BUB1B: variants seen among roughly 807,000 people sequenced by gnomAD.
BUB1B encodes mitotic checkpoint serine/threonine-protein kinase BUB1 beta.
Under a neutral mutation model 137.7 loss-of-function variants are expected in BUB1B, and 86 were observed. The ratio of observed to expected loss-of-function variants is 0.62; its 90% CI spans 0.52 to 0.75. The LOEUF (loss-of-function observed/expected upper bound fraction) is 0.75, where lower values mean the gene tolerates loss of function less well. BUB1B is among the 30% of genes least tolerant of loss of function. The probability of loss-of-function intolerance (pLI) is 0.00; values close to 1 mark genes in which losing one functional copy is unlikely to be tolerated. For missense variants in BUB1B, 1,130 were observed against 1,236.9 expected (o/e 0.91, Z 1.30); for synonymous variants, 420 against 417.9 (o/e 1.00, Z -0.06).
At chr15:40,203,921 A>G (rs7495483) in intron 14 of BUB1B, among the ~76,000 whole-genome samples, 1 of 152,072 alleles carries the variant, frequency 6.6e-6, no homozygotes, top group African/African-American at 2.4e-5. Flanking sequence ...GGGTGATGTG[A>G]GCAGTAGCTT....
At chr15:40,208,454 C>G (rs1236097017) in intron 15 of BUB1B, among the ~76,000 whole-genome samples, 183 bp from the exon 16 acceptor site, 1 of 152,114 alleles carries the variant, frequency 6.6e-6, no homozygotes, top group East Asian at 1.9e-4. Flanking sequence ...AGGAGAATCA[C>G]TTGAACCCGG....
chr15:40,203,637 C>G (rs1305255246), intron 14 of BUB1B, among the ~76,000 whole-genome samples: 1 of 152,056 alleles, frequency 6.6e-6, no homozygotes, highest in Non-Finnish European at 1.5e-5. Flanking sequence ...GACATTTGTT[C>G]TTTTTTATAT....
chr15:40,200,219 G>T, intron 10 of BUB1B, 25 bp from the exon 11 acceptor site: 1 of 1,530,360 alleles, frequency 6.5e-7, no homozygotes, highest in South Asian at 1.1e-5. Context: ...GAGGGACATT[G>T]ATTTTGTTTA....
rs1566816096 is a variant in BUB1B, at chr15:40,170,620, C to T, written c.323C>T (p.Ala108Val). 1.2e-6 allele frequency: 2 copies of T among 1,613,068 alleles called. No homozygotes were observed. Among genetic ancestry groups the T allele is most frequent in the Non-Finnish European group, 1.7e-6 (2 of 1,179,162 alleles). Residue 108 changes from alanine (A) to valine (V), a missense_variant, in exon 4 of 23, where the codon GCA becomes GTA. Transcript: ENST00000287598. Reference sequence around the variant, plus strand: ...ACGTTATTAGAAAGAGCTGTAGAAGCACTACAAGGAGAAAAACGATATTAT... The same window carrying T: ...ACGTTATTAGAAAGAGCTGTAGAAGTACTACAAGGAGAAAAACGATATTAT... ...MSTLLERAVE[A>V]LQGEKRYYSD...
At chr15:40,213,965 T>A (rs774916808) in intron 20 of BUB1B, among the ~76,000 whole-genome samples, 4 of 152,192 alleles carry the variant, frequency 2.6e-5, no homozygotes, top group Non-Finnish European at 5.9e-5. Flanking sequence ...ATAAACACAT[T>A]GAGGAAATAG....
At chr15:40,210,024 C>A in intron 17 of BUB1B, 86 bp from the exon 18 acceptor site, 3 of 1,135,450 alleles carry the variant, frequency 2.6e-6, no homozygotes, top group Non-Finnish European at 4.0e-6. Flanking sequence ...TACACCAGTG[C>A]CTCTATCCCT....
At chr15:40,180,630 T>TTTTTTTC (rs2037278116) in intron 5 of BUB1B, among the ~76,000 whole-genome samples, 4 of 143,354 alleles carry the variant, frequency 2.8e-5, no homozygotes, top group African/African-American at 1.1e-4. Context: ...CCTTGGTTTC[T>TTTTTTTC]TTTTTCTTTT....
At chr15:40,164,951 C>T in intron 1 of BUB1B, 102 bp from the exon 2 acceptor site, 4 of 1,442,884 alleles carry the variant, frequency 2.8e-6, no homozygotes, top group Non-Finnish European at 2.9e-6. Context: ...CTATATTCAA[C>T]CCAAGACCAT....
At chr15:40,206,066 G>A in intron 14 of BUB1B, 118 bp from the exon 15 acceptor site, 6 of 1,035,348 alleles carry the variant, frequency 5.8e-6, no homozygotes, top group Non-Finnish European at 7.3e-6. Flanking sequence ...TATTTGCCTA[G>A]ATATTCTGAT....
chr15:40,210,290 A>G (rs2037695018), intron 18 of BUB1B, 80 bp downstream of exon 18: 4 of 1,054,228 alleles, frequency 3.8e-6, no homozygotes, highest in Admixed American at 1.8e-5. Flanking sequence ...GTTACCATCA[A>G]ATCTTTCTAA....
chr15:40,203,121 G>A (rs373504044), intron 14 of BUB1B, among the ~76,000 whole-genome samples: 1 of 151,990 alleles, frequency 6.6e-6, no homozygotes, highest in Admixed American at 6.5e-5. Flanking sequence ...GTTCATAGCC[G>A]TATTACTCAT....
intron 1 of BUB1B, among the ~76,000 whole-genome samples, chr15:40,163,459 A>G (rs1380925499): frequency 6.6e-6 from 1 of 152,180 alleles, no homozygotes; most frequent in Admixed American, 6.5e-5. Context: ...ATGCATGACA[A>G]TAAACAATGC....
chr15:40,180,775 G>C (rs960407200), intron 5 of BUB1B, among the ~76,000 whole-genome samples: 7 of 146,884 alleles, frequency 4.8e-5, no homozygotes, highest in Non-Finnish European at 8.9e-5. Context: ...TCAGCCTCCC[G>C]AGTAGCTGGG....
intron 20 of BUB1B, 34 bp downstream of exon 20, chr15:40,213,508 T>C (rs1179455543): frequency 1.2e-6 from 2 of 1,612,886 alleles, no homozygotes; most frequent in Non-Finnish European, 8.5e-7. Flanking sequence ...TTCTGCCAGC[T>C]GTCTCTTAAA....
chr15:40,212,375 T>G (rs113689540), intron 18 of BUB1B, 124 bp from the exon 19 acceptor site: 4 of 750,800 alleles, frequency 5.3e-6, no homozygotes. Flanking sequence ...TATAGTAGAT[T>G]TATGCCTTTA....
chr15:40,209,573 AT>A, intron 16 of BUB1B, 61 bp from the exon 17 acceptor site: 2 of 1,593,822 alleles, frequency 1.3e-6, no homozygotes, highest in South Asian at 2.2e-5. Flanking sequence ...CTGTTATAAT[AT>A]CCATTTTAAG....
At chr15:40,211,558 A>G (rs545177507) in intron 18 of BUB1B, among the ~76,000 whole-genome samples, 3 of 152,204 alleles carry the variant, frequency 2.0e-5, no homozygotes, top group South Asian at 4.2e-4. Flanking sequence ...CTGAAATCTG[A>G]GTGAGGAAAT....
At chr15:40,213,602 C>A in intron 20 of BUB1B, 128 bp downstream of exon 20, 2 of 993,762 alleles carry the variant, frequency 2.0e-6, no homozygotes, top group Non-Finnish European at 3.1e-6. Flanking sequence ...GTGGCATGAT[C>A]TTGGCTCACT....
intron 8 of BUB1B, among the ~76,000 whole-genome samples, chr15:40,194,791 C>A (rs1248493090): frequency 1.3e-5 from 2 of 152,010 alleles, no homozygotes; most frequent in African/African-American, 4.8e-5. Flanking sequence ...AACTCTAATT[C>A]TTTTGGATAC....
Sources: gnomAD v4.1 joint callset for allele counts (sites outside exome capture counted in the v4.1 genomes callset) on GRCh38, gnomAD v4.1.1 for gene constraint, MANE v1.5 for transcripts, NCBI Gene and HGNC (gene_info 2026-07-23, HGNC 2026-07-21) for gene names.